HLA-DOA: variants seen among roughly 807,000 people sequenced by gnomAD.
HLA-DOA encodes HLA class II histocompatibility antigen, DO alpha chain.
HLA-DOA carries 27 observed loss-of-function variants against 22.9 expected under a neutral mutation model. That is an observed-to-expected ratio of 1.18 (90% CI 0.87 to 1.62). HLA-DOA has a LOEUF of 1.62. Ranked by LOEUF, HLA-DOA falls within the 40% of genes most tolerant of loss-of-function variation. The probability of loss-of-function intolerance (pLI) is 0.00; values close to 1 mark genes in which losing one functional copy is unlikely to be tolerated. For missense variants in HLA-DOA, 324 were observed against 332.4 expected, an observed-to-expected ratio of 0.97 and a Z score of 0.20; for synonymous variants, 137 against 138.6, an observed-to-expected ratio of 0.99 and a Z score of 0.08.
intron 4 of HLA-DOA, 44 bp downstream of exon 4, chr6:33,007,036 T>A: frequency 6.3e-7 from 1 of 1,581,954 alleles, no homozygotes; most frequent in Non-Finnish European, 8.6e-7. Context: ...TTCAGAGTCA[T>A]CCACTTTCCT....
At position 33,009,130 on chromosome 6, in the gene HLA-DOA, C is replaced by G. The variant is rs929679101; in HGVS notation, c.82+325G>C. Among the ~76,000 whole-genome samples the G allele has an allele frequency of 6.6e-6, 1 of 152,168 alleles. No homozygotes were observed. Among genetic ancestry groups the G allele is most frequent in the African/African-American group, 2.4e-5 (1 of 41,426 alleles). On this transcript the variant is annotated intron_variant, in intron 1 of 4. Coordinates refer to ENST00000229829, the MANE Select transcript of HLA-DOA (RefSeq NM_002119.4). The surrounding 1 kb of genome is among the most constrained non-coding windows in gnomAD (Gnocchi z 4.8). Reference sequence around the variant, plus strand: ...AGAACTGGACTTGATCGGGCACATTCCCGGCCAGGGGTGGTAGAGAAATCA... The same window carrying G: ...AGAACTGGACTTGATCGGGCACATTGCCGGCCAGGGGTGGTAGAGAAATCA...
chr6:33,007,782 C>T, intron 2 of HLA-DOA, 190 bp from the exon 3 acceptor site: 1 of 824,816 alleles, frequency 1.2e-6, no homozygotes, highest in Non-Finnish European at 1.8e-6. Flanking sequence ...GCCAGGAGCT[C>T]CTATATTTGA....
In HLA-DOA at chr6:33,008,271, GCGA is replaced by G; in HGVS notation, c.83-13_83-11del. On this transcript the variant is annotated splice_polypyrimidine_tract_variant and intron_variant, in intron 1 of 4. Coordinates refer to ENST00000229829, the MANE Select transcript of HLA-DOA (RefSeq NM_002119.4). ...GAGCCCATGTGGTCAGCTGTGTTTG[GCGA>G]GTTCAGGGTCAAGGAGAGAGAAAAA... The G allele has an allele frequency of 6.2e-7, 1 of 1,611,948 alleles. No homozygotes were observed. Among genetic ancestry groups the G allele is most frequent in the Non-Finnish European group, 8.5e-7 (1 of 1,179,610 alleles).
At chr6:33,008,407 G>A in intron 1 of HLA-DOA, 146 bp from the exon 2 acceptor site, 1 of 1,460,846 alleles carries the variant, frequency 6.8e-7, no homozygotes, top group Non-Finnish European at 9.0e-7. Context: ...GGCTGGCCCT[G>A]GGAGAGAGAA....
chr6:33,007,953 T>G (rs1639061590), intron 2 of HLA-DOA, 60 bp downstream of exon 2: 5 of 1,559,460 alleles, frequency 3.2e-6, no homozygotes, highest in Non-Finnish European at 4.3e-6. Flanking sequence ...GCCTAGGAAC[T>G]GGGAGGAAGT....
In HLA-DOA at chr6:33,005,001, C is replaced by A. The variant is rs751456162; in HGVS notation, c.*1837G>T. 1 of 152,256 alleles carries A rather than the reference C, an allele frequency of 6.6e-6. No homozygotes were observed. The highest frequency in any genetic ancestry group is 1.5e-5 in the Non-Finnish European group (1 of 68,092). The allele number at this position is 152,256 out of a possible 1,614,324, so 9.4% of individuals were successfully genotyped here. A position where few individuals can be genotyped will look rare whatever the true frequency, so the allele number is the denominator to read the frequency against. ...CTCACAGTTCAAACCCTCATTTTGC[C>A]TCTATTTACTTGTACCTTGATTGGC... On this transcript the variant is annotated 3_prime_UTR_variant, in exon 5 of 5. Transcript: ENST00000229829.
At position 33,008,242 on chromosome 6, in the gene HLA-DOA, G is replaced by A. The variant is rs960182098; in HGVS notation, c.102C>T (p.Tyr34=). The A allele has an allele frequency of 7.4e-6, 12 of 1,612,844 alleles. No homozygotes were observed. The Admixed American group carries it at 1.0e-4, about 13-fold the overall frequency. The change falls in exon 2 of 5, where the codon TAC becomes TAT. Residue 34 remains tyrosine (Y), a synonymous_variant. Transcript: ENST00000229829. ...CGTAAGACTGGTAGAAGGCGGGTCC[G>A]TAGGAGCCCATGTGGTCAGCTGTGT... ...GATKADHMGS[Y]GPAFYQSYGA...
In HLA-DOA at chr6:33,008,050, G is replaced by T. The variant is rs1255389636; in HGVS notation, c.294C>A (p.Ile98=). 5 of 1,612,920 alleles carry T rather than the reference G, an allele frequency of 3.1e-6. No individual in the cohort carries two copies. The African/African-American group carries it at 5.3e-5, about 17-fold the overall frequency. ...TGCTGCGGTTGGAGCGCTCCACCAG[G>T]ATGTCCAGATGGGCTTTGATTGCGG... ...GIAAIKAHLD[I]LVERSNRSRA... is the part of the protein sequence containing the mutation. Residue 98 remains isoleucine (I), a synonymous_variant, in exon 2 of 5, where the codon ATC becomes ATA. Coordinates refer to ENST00000229829, the MANE Select transcript of HLA-DOA (RefSeq NM_002119.4).
chr6:33,008,302 T>C (rs1046915483), intron 1 of HLA-DOA, 41 bp from the exon 2 acceptor site: 1 of 1,597,986 alleles, frequency 6.3e-7, no homozygotes, highest in Non-Finnish European at 8.5e-7. Flanking sequence ...GAGAAAAAAA[T>C]GTGTCTGTCT....
Position 33,008,253 on chromosome 6 carries a change from T to C in HLA-DOA, c.91A>G (p.Met31Val), listed in dbSNP as rs41559715. ...QEAGATKADH[M>V]GSYGPAFYQS... is the part of the protein sequence containing the mutation. ...TAGAAGGCGGGTCCGTAGGAGCCCA[T>C]GTGGTCAGCTGTGTTTGGCGAGTTC... The change falls in exon 2 of 5, where the codon ATG becomes GTG. Residue 31 changes from methionine to valine, a missense_variant. Met to Val is a conservative substitution (Grantham distance 21). Coordinates refer to ENST00000229829, the MANE Select transcript of HLA-DOA (RefSeq NM_002119.4). 6.2e-7 allele frequency: 1 copy of C among 1,612,646 alleles called. No individual in the cohort carries two copies. The highest frequency in any genetic ancestry group is 1.1e-5 in the South Asian group (1 of 91,040).
In HLA-DOA at chr6:33,006,650, T is replaced by C. The variant is rs148263801; in HGVS notation, c.*188A>G. The C allele has an allele frequency of 8.0e-4, 614 of 764,540 alleles. 6 individuals are homozygous for C. In the East Asian group the frequency reaches 0.016, roughly 19 times the overall value. The allele number at this position is 764,540 out of a possible 1,614,324, so 47.4% of individuals were successfully genotyped here. On this transcript the variant is annotated 3_prime_UTR_variant, in exon 5 of 5. Coordinates refer to ENST00000229829, the MANE Select transcript of HLA-DOA (RefSeq NM_002119.4). Reference sequence around the variant, plus strand: ...TGTGTTGAATGGGAAGGGAAGCTAGTAGGTGTCCAACAAACCCTGCCATGA... The same window carrying C: ...TGTGTTGAATGGGAAGGGAAGCTAGCAGGTGTCCAACAAACCCTGCCATGA...
In HLA-DOA at chr6:33,006,820, T is replaced by C; in HGVS notation, c.*18A>G. The C allele has an allele frequency of 3.1e-6, 5 of 1,612,862 alleles. No homozygotes were observed. Among genetic ancestry groups the C allele is most frequent in the Non-Finnish European group, 4.2e-6 (5 of 1,179,856 alleles). ...TCTGCAGGGTGTCTCCCACAAGTCA[T>C]TTCTCTCAGAAGGATCATTACCTAA... On this transcript the variant is annotated 3_prime_UTR_variant, in exon 5 of 5. Transcript: ENST00000229829.
intron 2 of HLA-DOA, 174 bp from the exon 3 acceptor site, chr6:33,007,766 G>A: frequency 1.2e-6 from 1 of 839,196 alleles, no homozygotes; most frequent in Non-Finnish European, 1.8e-6. Context: ...GGGAGGGAGT[G>A]GGGACGCCAG....
In HLA-DOA at chr6:33,007,592, A is replaced by T. The variant is rs749019893; in HGVS notation, c.332T>A (p.Val111Glu). 1 of 1,608,840 alleles carries T rather than the reference A, an allele frequency of 6.2e-7. No homozygotes were observed. The highest frequency in any genetic ancestry group is 1.1e-5 in the South Asian group (1 of 90,374). The change falls in exon 3 of 5, where the codon GTG becomes GAG. Residue 111 changes from valine (V) to glutamate (E), a missense_variant and splice_region_variant. Val to Glu is a moderately radical substitution (Grantham distance 121). Transcript: ENST00000229829. Reference sequence around the variant, plus strand: ...GGGGAGCACGGTCACCCGTGGAGGCACTAGGAGGAACAGGCCCTGAGTCCA... The same window carrying T: ...GGGGAGCACGGTCACCCGTGGAGGCTCTAGGAGGAACAGGCCCTGAGTCCA... The part of the protein sequence containing the change: ...ERSNRSRAIN[V>E]PPRVTVLPKS...
chr6:33,006,967 C>T, intron 4 of HLA-DOA, 113 bp downstream of exon 4: 1 of 1,484,962 alleles, frequency 6.7e-7, no homozygotes, highest in Non-Finnish European at 9.3e-7. Context: ...TCTCCCTGCC[C>T]ATTTCTTTTC....
rs534239067 is a variant in HLA-DOA, at chr6:33,009,449, A to C, written c.82+6T>G. ...CCCGCCGCACCCTCCTCGCCCTCGC[A>C]CTCACCCTTGGTGGCCCCTGCCTCC... On this transcript the variant is annotated splice_donor_region_variant and intron_variant, in intron 1 of 4. Coordinates refer to ENST00000229829, the MANE Select transcript of HLA-DOA (RefSeq NM_002119.4). This position sits in a 1 kb window ranked among gnomAD's most constrained non-coding sequence, Gnocchi z 4.8. The C allele has an allele frequency of 3.1e-6, 5 of 1,589,828 alleles. No individual in the cohort carries two copies. In the East Asian group the frequency reaches 9.0e-5, roughly 29 times the overall value.
intron 4 of HLA-DOA, 66 bp from the exon 5 acceptor site, chr6:33,006,907 G>A (rs1047907696): frequency 2.0e-6 from 3 of 1,472,206 alleles, no homozygotes; most frequent in African/African-American, 2.8e-5. Context: ...CTATCTCTGA[G>A]TGCCCACCTC....
At position 33,006,833 on chromosome 6, in the gene HLA-DOA, G is replaced by T. The variant is rs754149653; in HGVS notation, c.*5C>A. 1 of 1,611,988 alleles carries T rather than the reference G, an allele frequency of 6.2e-7. No homozygotes were observed. Among genetic ancestry groups the T allele is most frequent in the Non-Finnish European group, 8.5e-7 (1 of 1,179,072 alleles). On this transcript the variant is annotated 3_prime_UTR_variant, in exon 5 of 5. Coordinates refer to ENST00000229829, the MANE Select transcript of HLA-DOA (RefSeq NM_002119.4). ...TCCCACAAGTCATTTCTCTCAGAAG[G>T]ATCATTACCTAAAATAGCAGAAAAC... is the stretch of plus-strand genomic sequence containing the variant.
At position 33,009,523 on chromosome 6, in the gene HLA-DOA, G is replaced by C; in HGVS notation, c.14C>G (p.Ala5Gly). The stretch of plus-strand genomic sequence containing the variant: ...GGTGTGGAACCCCAGGACCAGCCCT[G>C]CTCTGAGGGCCATTACACTCTGGTG... MALR[A>G]GLVLGFHTLM... Residue 5 changes from alanine (A) to glycine (G), a missense_variant, in exon 1 of 5, where the codon GCA becomes GGA. Physicochemically the swap from Ala to Gly is moderately conservative, Grantham distance 60 (BLOSUM62 0). Transcript: ENST00000229829. The surrounding 1 kb of genome is among the most constrained non-coding windows in gnomAD (Gnocchi z 4.8). 6.2e-7 allele frequency: 1 copy of C among 1,604,284 alleles called. No homozygotes were observed. The highest frequency in any genetic ancestry group is 8.5e-7 in the Non-Finnish European group (1 of 1,176,832).
Sources: allele counts gnomAD v4.1 joint callset (sites outside exome capture counted in the v4.1 genomes callset), GRCh38; gene constraint gnomAD v4.1.1; non-coding constraint Gnocchi (gnomAD v3.1); transcripts MANE v1.5; gene names NCBI Gene and HGNC (gene_info 2026-07-23, HGNC 2026-07-21).